The following IQSEC2 variants were observed in gnomAD, a reference collection of about 807,000 sequenced individuals.
IQSEC2 encodes IQ motif and SEC7 domain-containing protein 2.
IQSEC2 carries 6 observed loss-of-function variants against 74.6 expected under a neutral mutation model. The ratio of observed to expected loss-of-function variants is 0.08; its 90% confidence interval spans 0.04 to 0.16. The LOEUF is 0.16. IQSEC2 is among the 10% of genes least tolerant of loss of function. The probability of loss-of-function intolerance (pLI) is 1.00; values close to 1 mark genes in which losing one functional copy is unlikely to be tolerated. For synonymous variants in IQSEC2, 494 were observed against 544.5 expected (o/e 0.91, Z 1.29); for missense variants, 734 against 1,306.2 (o/e 0.56, Z 6.75).
In IQSEC2 at chrX:53,320,518, C is replaced by A; in HGVS notation, c.606G>T (p.Arg202=). 1 of 1,159,402 alleles carries A rather than the reference C, an allele frequency of 8.6e-7. No homozygotes were observed. The change falls in exon 1 of 15, where the codon CGG becomes CGT. Residue 202 remains arginine (R), a synonymous_variant. Coordinates refer to ENST00000642864, the MANE Select transcript of IQSEC2 (RefSeq NM_001111125.3). ...VGVGPRPPRE[R]GQLSRGASRS... ...TGGATGCGCCACGGCTCAGCTGGCC[C>A]CGCTCCCGCGGTGGCCGCGGCCCCA...
At position 53,248,603 on chromosome X, in the gene IQSEC2, T is replaced by C. The variant is rs782028618; in HGVS notation, c.2459+118A>G. 5.9e-5 allele frequency: 46 copies of C among 781,216 alleles called. No individual in the cohort carries two copies. In the Admixed American group the frequency reaches 1.2e-3, roughly 20 times the overall value. 64.4% of individuals were successfully genotyped at this position (781,216 alleles called of 1,213,427 possible). ...AGAAGGGTACAGGGGCAGGAAGGTC[T>C]ATTCATCCTGTTTTGAAAAGCTTAT... On this transcript the variant is annotated intron_variant, in intron 6 of 14. Coordinates refer to ENST00000642864, the MANE Select transcript of IQSEC2 (RefSeq NM_001111125.3).
At chrX:53,299,757 C>CT (rs782597902) in intron 1 of IQSEC2, among the ~76,000 whole-genome samples, 106 of 105,147 alleles carry the variant, frequency 1.0e-3, no homozygotes, top group Middle Eastern at 9.7e-3. Flanking sequence ...AAAGACAAGA[C>CT]TTTTTTTTTT....
chrX:53,264,221 GCA>G (rs1189002435), intron 2 of IQSEC2, among the ~76,000 whole-genome samples: 1 of 112,151 alleles, frequency 8.9e-6, no homozygotes, highest in Non-Finnish European at 1.9e-5. Flanking sequence ...GCAGCAGTGT[GCA>G]CAGTCTCACA....
intron 2 of IQSEC2, 131 bp from the exon 3 acceptor site, chrX:53,256,192 C>T (rs1556865241): frequency 1.6e-6 from 1 of 640,513 alleles, no homozygotes; most frequent in African/African-American, 2.3e-5. Context: ...GATATAGGGA[C>T]CCAACACTTA....
intron 2 of IQSEC2, 149 bp from the exon 3 acceptor site, chrX:53,256,210 C>T (rs1440231509): frequency 4.4e-5 from 24 of 545,662 alleles, no homozygotes; most frequent in Middle Eastern, 5.8e-4. Context: ...TTACAGGCCA[C>T]GGTGAGTCCT....
intron 2 of IQSEC2, chrX:53,281,630 G>A (rs1556870917): frequency 3.2e-6 from 3 of 936,223 alleles, no homozygotes; most frequent in Non-Finnish European, 2.9e-6. Flanking sequence ...CAAGAAGGCG[G>A]GGCCAGGCCA....
At chrX:53,314,366 C>T (rs1196489767) in intron 1 of IQSEC2, among the ~76,000 whole-genome samples, 3 of 112,197 alleles carry the variant, frequency 2.7e-5, no homozygotes, top group East Asian at 2.8e-4. Context: ...ACAAAATGCA[C>T]TCAGTATATG....
chrX:53,283,760 G>A (rs1053627175), intron 2 of IQSEC2, among the ~76,000 whole-genome samples: 1 of 111,990 alleles, frequency 8.9e-6, no homozygotes, highest in African/African-American at 3.2e-5. Flanking sequence ...AGATACTGTG[G>A]CCCAGGCACT....
intron 2 of IQSEC2, among the ~76,000 whole-genome samples, chrX:53,285,620 G>A (rs1478153790): frequency 1.8e-5 from 2 of 112,687 alleles, no homozygotes; most frequent in African/African-American, 6.5e-5. Flanking sequence ...AAGGGCAGGG[G>A]GAGGAGTTGA....
intron 10 of IQSEC2, chrX:53,239,550 T>G: frequency 3.0e-6 from 1 of 332,188 alleles, no homozygotes; most frequent in Non-Finnish European, 5.4e-6. Flanking sequence ...TGAATCCTGC[T>G]TCCTCCAGGA....
intron 2 of IQSEC2, 21 bp from the exon 3 acceptor site, chrX:53,256,082 G>A (rs1049468807): frequency 1.7e-6 from 2 of 1,150,127 alleles, no homozygotes; most frequent in Non-Finnish European, 2.3e-6. Flanking sequence ...GAGATAAGAT[G>A]AGCCAGGATG....
In IQSEC2 at chrX:53,308,163, C is replaced by CAAAAA. The variant is rs142766855; in HGVS notation, c.707+12249_707+12253dup. Among the ~76,000 whole-genome samples, 39 of 37,693 alleles carry CAAAAA rather than the reference C, an allele frequency of 1.0e-3. 1 individual carries two copies. Among genetic ancestry groups the CAAAAA allele is most frequent in the Middle Eastern group, 0.026 (1 of 38 alleles). The allele number at this position is 37,693 out of a possible 115,157, so 32.7% of individuals were successfully genotyped here. A position where few individuals can be genotyped will look rare whatever the true frequency, so the allele number is the denominator to read the frequency against. On this transcript the variant is annotated intron_variant, in intron 1 of 14. Coordinates refer to ENST00000642864, the MANE Select transcript of IQSEC2 (RefSeq NM_001111125.3). ...TAGGCGACAGAGCGAGACTCCATCT[C>CAAAAA]AAAAAAAAAAAAAAAAAAAAAAAAG... is the stretch of plus-strand genomic sequence containing the variant.
At chrX:53,227,810 T>C (rs1556857918), downstream of IQSEC2, 1 of 187,770 alleles carries the variant, frequency 5.3e-6, no homozygotes, top group African/African-American at 3.0e-5. Flanking sequence ...GGGTCTCAGC[T>C]CTGCACAGTC....
At position 53,255,872 on chromosome X, in the gene IQSEC2, C is replaced by T. The variant is rs1273272437; in HGVS notation, c.927G>A (p.Glu309=). ...CCTTGGAGCGCTTTATCTCCTCCTC[C>T]TCCTGCTTCCTCAGGGCGACACTGG... ...QPASVALRKQ[E]EEEIKRSKAL... The change falls in exon 3 of 15, where the codon GAG becomes GAA. Residue 309 remains glutamate (E), a synonymous_variant. Coordinates refer to ENST00000642864, the MANE Select transcript of IQSEC2 (RefSeq NM_001111125.3). 4 of 1,210,076 alleles carry T rather than the reference C, an allele frequency of 3.3e-6. No individual in the cohort carries two copies. In the African/African-American group the frequency reaches 5.2e-5, roughly 16 times the overall value.
chrX:53,281,366 A>T, intron 2 of IQSEC2: 2 of 397,299 alleles, frequency 5.0e-6, no homozygotes, highest in South Asian at 5.3e-5. Context: ...CCCAGGCCAA[A>T]GGCCTCTCAG....
chrX:53,261,664 A>ACACACT (rs1251732066), intron 2 of IQSEC2, among the ~76,000 whole-genome samples: 4 of 111,431 alleles, frequency 3.6e-5, no homozygotes, highest in Non-Finnish European at 7.5e-5. Context: ...AACCACACAC[A>ACACACT]CACACTCACA....
chrX:53,288,176 T>C (rs1556872195), intron 2 of IQSEC2, among the ~76,000 whole-genome samples: 1 of 111,480 alleles, frequency 9.0e-6, no homozygotes, highest in Non-Finnish European at 1.9e-5. Flanking sequence ...CTTGGACATG[T>C]GGATGGGGGA....
intron 2 of IQSEC2, among the ~76,000 whole-genome samples, chrX:53,275,561 TG>T (rs1556869369): frequency 2.9e-4 from 32 of 111,752 alleles, no homozygotes; most frequent in African/African-American, 1.0e-3. Flanking sequence ...CCCACTGATT[TG>T]AGATGTCTTT....
rs368010951 is a variant in IQSEC2, at chrX:53,255,751, G to A, written c.999+49C>T. ...GCCACATCCCAAACCCTCCCCTGGC[G>A]CTCTCTTGCATCCCGACTCCCATTC... On this transcript the variant is annotated intron_variant, in intron 3 of 14. Coordinates refer to ENST00000642864, the MANE Select transcript of IQSEC2 (RefSeq NM_001111125.3). 42 of 1,197,092 alleles carry A rather than the reference G, an allele frequency of 3.5e-5. No homozygotes were observed. In the East Asian group the frequency reaches 6.2e-4, roughly 18 times the overall value.
Sources: gnomAD v4.1 joint callset for allele counts (sites outside exome capture counted in the v4.1 genomes callset) on GRCh38, gnomAD v4.1.1 for gene constraint, MANE v1.5 for transcripts, NCBI Gene and HGNC (gene_info 2026-07-23, HGNC 2026-07-21) for gene names.